CHD1: variants seen among roughly 807,000 people sequenced by gnomAD.
CHD1 encodes ATP-dependent chromatin remodeler CHD1.
A neutral mutation model predicts 224.2 loss-of-function variants in CHD1; 36 were observed. That is an observed-to-expected ratio of 0.16 (90% confidence interval 0.12 to 0.21). The LOEUF is 0.21. Among genes scored for constraint, CHD1 ranks in the 10% least tolerant of loss-of-function variants. The pLI, the probability that CHD1 is intolerant of heterozygous loss-of-function variation, is 1.00. For missense variants in CHD1, 1,378 were observed against 1,994.8 expected (o/e 0.69, Z 5.89); for synonymous variants, 668 against 658.3 (o/e 1.01, Z -0.23).
intron 2 of CHD1, among the ~76,000 whole-genome samples, chr5:98,918,495 C>T (rs1752887010): frequency 1.3e-5 from 2 of 151,152 alleles, no homozygotes; most frequent in African/African-American, 2.4e-5. Flanking sequence ...CTGAGCCGGG[C>T]GCGGGAGCTC....
At chr5:98,890,514 T>C (rs970037434) in intron 15 of CHD1, among the ~76,000 whole-genome samples, 5 of 152,188 alleles carry the variant, frequency 3.3e-5, no homozygotes, top group Non-Finnish European at 7.4e-5. Flanking sequence ...TTACCTTAGT[T>C]GCCAAAAAGT....
intron 2 of CHD1, among the ~76,000 whole-genome samples, chr5:98,920,076 T>G (rs1292208829): frequency 6.6e-6 from 1 of 152,092 alleles, no homozygotes; most frequent in South Asian, 2.1e-4. Context: ...AATAGATACA[T>G]AAAATACCTA....
rs954105679 is a variant in CHD1 at position 98,904,095 on chromosome 5, T to TA, written c.256-188dup. Among the ~76,000 whole-genome samples the TA allele has an allele frequency of 3.3e-5, 5 of 151,298 alleles. No individual in the cohort carries two copies. In the South Asian group the frequency reaches 8.3e-4, roughly 25 times the overall value. The stretch of plus-strand genomic sequence containing the variant: ...TAAAATGCTGAGCTCTAGTTATGTA[T>TA]AAAAAAAAATGGTGTGTTGAGTTCC... On this transcript the variant is annotated intron_variant, in intron 3 of 35. Transcript: ENST00000614616.
chr5:98,926,178 A>C (rs569863365), intron 2 of CHD1, among the ~76,000 whole-genome samples, 156 bp downstream of exon 2: 46 of 152,328 alleles, frequency 3.0e-4, no homozygotes, highest in African/African-American at 1.0e-3. Context: ...AAAGGTTCGT[A>C]TATCAGAATT....
chr5:98,916,666 T>A (rs774185175), intron 2 of CHD1, among the ~76,000 whole-genome samples: 7 of 152,134 alleles, frequency 4.6e-5, no homozygotes, highest in Admixed American at 6.5e-5. Flanking sequence ...ACAAAATTAT[T>A]TGTTATGTGG....
At chr5:98,891,323 TGCCTCA>T (rs1289336243) in intron 15 of CHD1, among the ~76,000 whole-genome samples, 1 of 152,118 alleles carries the variant, frequency 6.6e-6, no homozygotes, top group Non-Finnish European at 1.5e-5. Context: ...GTGATCTGTC[TGCCTCA>T]GCCTCCCAAA....
At position 98,884,081 on chromosome 5, in the gene CHD1, T is replaced by G. The variant is rs180894387; in HGVS notation, c.2569-844A>C. 1.4e-3 allele frequency among the ~76,000 whole-genome samples: 211 copies of G among 148,062 alleles called. 4 individuals are homozygous for G. In the Middle Eastern group the frequency reaches 0.028, roughly 19 times the overall value. ...GGTCTCTAACTCTTTGTTTTTTGTT[T>G]TTTTTTTTTTGAGACGGAGTCTCGC... On this transcript the variant is annotated intron_variant, in intron 18 of 35. Coordinates refer to ENST00000614616, the MANE Select transcript of CHD1 (RefSeq NM_001270.4).
At chr5:98,860,163 T>C (rs1398607757) in intron 32 of CHD1, 95 bp from the exon 33 acceptor site, 2 of 710,236 alleles carry the variant, frequency 2.8e-6, no homozygotes, top group Admixed American at 4.0e-5. Flanking sequence ...CAAACACATA[T>C]ACACATACAC....
chr5:98,918,528 G>A (rs968398554), intron 2 of CHD1, among the ~76,000 whole-genome samples: 4 of 150,852 alleles, frequency 2.7e-5, no homozygotes, highest in African/African-American at 4.9e-5. Context: ...CCAGCACTTA[G>A]GGAGGCCAAG....
chr5:98,897,859 T>C (rs1207246997), intron 10 of CHD1, among the ~76,000 whole-genome samples: 1 of 152,172 alleles, frequency 6.6e-6, no homozygotes, highest in Non-Finnish European at 1.5e-5. Flanking sequence ...CTCTACCTTC[T>C]AAGAAAATAT....
At chr5:98,903,298 C>T (rs1053720048) in intron 4 of CHD1, among the ~76,000 whole-genome samples, 3 of 152,008 alleles carry the variant, frequency 2.0e-5, no homozygotes, top group Non-Finnish European at 4.4e-5. Context: ...TTTTTCTTCA[C>T]CATTACTTTT....
intron 2 of CHD1, among the ~76,000 whole-genome samples, chr5:98,913,541 A>G (rs973078092): frequency 4.6e-5 from 7 of 152,214 alleles, no homozygotes; most frequent in Admixed American, 2.0e-4. Flanking sequence ...CACTTCCCCC[A>G]TAGGGTAAAT....
chr5:98,879,465 T>C (rs1164817509), intron 23 of CHD1, 87 bp downstream of exon 23: 2 of 1,210,804 alleles, frequency 1.7e-6, no homozygotes, highest in Non-Finnish European at 2.3e-6. Flanking sequence ...AAGAAAACTA[T>C]GGACTGATAC....
chr5:98,870,376 T>G (rs555205475), intron 29 of CHD1, among the ~76,000 whole-genome samples: 1 of 152,050 alleles, frequency 6.6e-6, no homozygotes, highest in Non-Finnish European at 1.5e-5. Context: ...AAAACAGTCA[T>G]GTAGGCTATG....
intron 32 of CHD1, among the ~76,000 whole-genome samples, chr5:98,862,021 G>A (rs981104684): frequency 7.9e-5 from 12 of 152,036 alleles, no homozygotes; most frequent in African/African-American, 2.9e-4. Context: ...GCCAGGCCTG[G>A]TAGCGTGGGC....
At chr5:98,887,193 G>A (rs757472903) in intron 17 of CHD1, among the ~76,000 whole-genome samples, 7 of 151,980 alleles carry the variant, frequency 4.6e-5, no homozygotes, top group South Asian at 2.1e-4. Context: ...CTCAACTAAT[G>A]GTACTCTTCT....
chr5:98,871,438 T>C (rs1231397591), intron 28 of CHD1, among the ~76,000 whole-genome samples: 1 of 64,398 alleles, frequency 1.6e-5, no homozygotes, highest in Non-Finnish European at 2.9e-5. Flanking sequence ...TGACCAAAAA[T>C]ACTACAATGC....
intron 14 of CHD1, 37 bp downstream of exon 14, chr5:98,893,379 T>G: frequency 7.0e-7 from 1 of 1,419,902 alleles, no homozygotes; most frequent in Non-Finnish European, 9.6e-7. Flanking sequence ...AAACATAATA[T>G]CCACACAATA....
chr5:98,879,758 T>C (rs754439780), intron 22 of CHD1, 30 bp from the exon 23 acceptor site: 3 of 1,492,680 alleles, frequency 2.0e-6, no homozygotes, highest in Non-Finnish European at 1.8e-6. Context: ...TAAGAGTAAC[T>C]GTTACAGAAA....
Sources: gnomAD v4.1 joint callset for allele counts (sites outside exome capture counted in the v4.1 genomes callset) on GRCh38, gnomAD v4.1.1 for gene constraint, MANE v1.5 for transcripts, NCBI Gene and HGNC (gene_info 2026-07-23, HGNC 2026-07-21) for gene names.